ALS2: variants seen among roughly 807,000 people sequenced by gnomAD.
ALS2 encodes the protein alsin Rho guanine nucleotide exchange factor ALS2.
A neutral mutation model predicts 203.4 loss-of-function variants in ALS2; 117 were observed. That is an observed-to-expected ratio of 0.58 (90% CI 0.50 to 0.67). The LOEUF is 0.67. Ranked by LOEUF, ALS2 falls within the 30% of genes least tolerant of loss-of-function variation. ALS2 has a pLI of 0.00. For synonymous variants in ALS2, 718 were observed against 725.9 expected, an observed-to-expected ratio of 0.99 and a Z score of 0.17; for missense variants, 1,715 against 1,989.4, an observed-to-expected ratio of 0.86 and a Z score of 2.62.
Position 201,701,903 on chromosome 2 carries a change from T to C in ALS2, c.4936-14A>G. ...GTAGTAACATGCCTGGAAGAAAAGT[T>C]CAAAATAATTTCAAATTCACTTTTA... On this transcript the variant is annotated splice_polypyrimidine_tract_variant and intron_variant, in intron 33 of 33. Transcript: ENST00000264276. 6.2e-7 allele frequency: 1 copy of C among 1,613,130 alleles called. No individual in the cohort carries two copies. Among genetic ancestry groups the C allele is most frequent in the South Asian group, 1.1e-5 (1 of 91,034 alleles).
chr2:201,746,145 G>A (rs1321216876), intron 9 of ALS2, among the ~76,000 whole-genome samples: 1 of 152,104 alleles, frequency 6.6e-6, no homozygotes, highest in East Asian at 1.9e-4. Flanking sequence ...CTCTACGGCT[G>A]CAGTCAGGAA....
intron 33 of ALS2, among the ~76,000 whole-genome samples, chr2:201,702,215 A>C (rs983136846): frequency 2.6e-5 from 4 of 151,810 alleles, no homozygotes; most frequent in African/African-American, 9.7e-5. Context: ...GAGTATACCA[A>C]TCATTAAAAG....
intron 25 of ALS2, among the ~76,000 whole-genome samples, chr2:201,713,898 C>T (rs1690199786): frequency 1.3e-5 from 2 of 152,122 alleles, no homozygotes; most frequent in Non-Finnish European, 2.9e-5. Context: ...ATATTTTGAG[C>T]ATTATAAAAC....
In ALS2 at chr2:201,773,525, C is replaced by T. The variant is rs75261995; in HGVS notation, c.-60-4580G>A. Among the ~76,000 whole-genome samples, 55 of 152,110 alleles carry T rather than the reference C, an allele frequency of 3.6e-4. No individual in the cohort carries two copies. In the East Asian group the frequency reaches 0.01, roughly 28 times the overall value. ...GAAATGGGCAAGAGTGAGGGAGATA[C>T]GATTCTGAAGCAAAGATAAGATTCT... On this transcript the variant is annotated intron_variant, in intron 1 of 33. Transcript: ENST00000264276.
chr2:201,776,801 C>G (rs1057203421), intron 1 of ALS2, among the ~76,000 whole-genome samples: 3 of 152,144 alleles, frequency 2.0e-5, no homozygotes, highest in Admixed American at 2.0e-4. Flanking sequence ...TCTCGTGATA[C>G]AAGTTTCACT....
chr2:201,741,786 A>T lies in ALS2; in HGVS notation c.2239T>A (p.Tyr747Asn). The T allele has an allele frequency of 6.2e-7, 1 of 1,614,192 alleles. No homozygotes were observed. The change falls in exon 11 of 34, where the codon TAC (tyrosine) becomes AAC (asparagine). Residue 747 changes from tyrosine to asparagine, a missense_variant. Physicochemically the swap from Tyr to Asn is moderately radical, Grantham distance 143. Around this residue, in one of 3 missense-constraint regions of ALS2, gnomAD observed 1,227 missense variants for 1,413.5 expected, o/e 0.87. Transcript: ENST00000264276. Reference sequence around the variant, plus strand: ...GAGGCTCCATGCTGACCAATGAGGTAACACAGCTTGCTGAATCGGCTAGCC... The same window carrying T: ...GAGGCTCCATGCTGACCAATGAGGTTACACAGCTTGCTGAATCGGCTAGCC... ...EVASRFSKLC[Y>N]LIGQHGASLS... is the part of the protein sequence containing the mutation.
intron 10 of ALS2, among the ~76,000 whole-genome samples, chr2:201,743,697 G>A (rs770728128): frequency 3.5e-4 from 53 of 152,024 alleles, no homozygotes; most frequent in Non-Finnish European, 7.1e-4. Context: ...GGCTGGTCTC[G>A]AACTCCTGAC....
At chr2:201,779,859 T>C (rs1400934533) in intron 1 of ALS2, 1 of 152,192 alleles carries the variant, frequency 6.6e-6, no homozygotes, top group Non-Finnish European at 1.5e-5. Context: ...CGTAGTTTAC[T>C]GCAAAAAATT....
chr2:201,722,813 T>C (rs1011162462), intron 23 of ALS2: 4 of 546,994 alleles, frequency 7.3e-6, no homozygotes, highest in African/African-American at 5.7e-5. Flanking sequence ...GCTGGGACTT[T>C]AGGTGGAAAT....
intron 23 of ALS2, among the ~76,000 whole-genome samples, chr2:201,720,539 C>CAAAAAAA (rs34418114): frequency 3.0e-5 from 2 of 66,496 alleles, no homozygotes; most frequent in African/African-American, 6.0e-5. Context: ...TCTGTCTCTA[C>CAAAAAAA]AAAAAAAAAA....
chr2:201,736,080 A>C (rs923457716), intron 12 of ALS2, among the ~76,000 whole-genome samples: 1 of 152,004 alleles, frequency 6.6e-6, no homozygotes, highest in Admixed American at 6.5e-5. Context: ...TAAAATAATA[A>C]ATATAAAATC....
At chr2:201,726,577 A>G (rs751211459) in intron 18 of ALS2, 28 bp from the exon 19 acceptor site, 1 of 1,609,696 alleles carries the variant, frequency 6.2e-7, no homozygotes, top group African/African-American at 1.3e-5. Flanking sequence ...AGAATAATGC[A>G]TGTCAACTAA....
chr2:201,776,819 A>G (rs1193612391), intron 1 of ALS2, among the ~76,000 whole-genome samples: 2 of 152,206 alleles, frequency 1.3e-5, no homozygotes, highest in Admixed American at 6.5e-5. Flanking sequence ...ACTTGCTTTA[A>G]TAGTGCTAGT....
chr2:201,721,105 T>G (rs1485454725), intron 23 of ALS2, among the ~76,000 whole-genome samples: 4 of 152,128 alleles, frequency 2.6e-5, no homozygotes, highest in South Asian at 4.1e-4. Context: ...AGAAATAAAT[T>G]TAACCAAAGA....
rs765215422 is a variant in ALS2, at chr2:201,741,807, T to C, written c.2218A>G (p.Ser740Gly). The C allele has an allele frequency of 1.4e-5, 23 of 1,614,048 alleles. No homozygotes were observed. In the South Asian group the frequency reaches 2.2e-4, roughly 15 times the overall value. ...TTVQLLQEVASRFSKLCYLIG... is the reference protein window; with the variant it reads ...TTVQLLQEVAGRFSKLCYLIG... ...AGGTAACACAGCTTGCTGAATCGGC[T>C]AGCCACCTCCTGCAACAGCTGGACT... Residue 740 changes from serine to glycine, a missense_variant, in exon 11 of 34, where the codon AGC becomes GGC. Around this residue, in one of 3 missense-constraint regions of ALS2, gnomAD observed 1,227 missense variants for 1,413.5 expected, o/e 0.87. Coordinates refer to ENST00000264276, the MANE Select transcript of ALS2 (RefSeq NM_020919.4).
chr2:201,772,900 C>T (rs1694474084), intron 1 of ALS2, among the ~76,000 whole-genome samples: 1 of 130,822 alleles, frequency 7.6e-6, no homozygotes, highest in Non-Finnish European at 1.5e-5. Context: ...CTTGCACTGT[C>T]GCCTGGGCTA....
At chr2:201,733,968 A>G (rs1394621456) in intron 12 of ALS2, among the ~76,000 whole-genome samples, 1 of 152,204 alleles carries the variant, frequency 6.6e-6, no homozygotes, top group Admixed American at 6.5e-5. Flanking sequence ...AGCTGCAAGA[A>G]CTAGTATTAC....
intron 7 of ALS2, among the ~76,000 whole-genome samples, chr2:201,750,211 G>A (rs369522836): frequency 2.0e-5 from 3 of 151,588 alleles, no homozygotes; most frequent in East Asian, 3.9e-4. Context: ...CAGAATTGAG[G>A]AGTCAACAAT....
At chr2:201,719,064 C>T (rs1315410038) in intron 23 of ALS2, among the ~76,000 whole-genome samples, 2 of 151,940 alleles carry the variant, frequency 1.3e-5, no homozygotes, top group Non-Finnish European at 2.9e-5. Flanking sequence ...TGACATTTAA[C>T]TAGATTAATC....
Sources: gnomAD v4.1 joint callset for allele counts (sites outside exome capture counted in the v4.1 genomes callset) on GRCh38, gnomAD v4.1.1 for gene constraint, gnomAD v4.1.1 regional missense constraint, MANE v1.5 for transcripts, NCBI Gene and HGNC (gene_info 2026-07-23, HGNC 2026-07-21) for gene names.